The following ARSF variants were observed in gnomAD, a reference collection of about 807,000 sequenced individuals.
ARSF encodes arylsulfatase F.
A neutral mutation model predicts 35.4 loss-of-function variants in ARSF; 33 were observed. The observed-to-expected ratio is 0.93, with a 90% CI of 0.71 to 1.25. The LOEUF is 1.25. ARSF is among the 50% of genes most tolerant of loss of function. ARSF has a pLI of 0.00. For synonymous variants in ARSF, 222 were observed against 193.1 expected, an observed-to-expected ratio of 1.15 and a Z score of -1.24; for missense variants, 501 against 480.2, an observed-to-expected ratio of 1.04 and a Z score of -0.40.
chrX:3,080,286 C>T (rs375347147), intron 4 of ARSF, among the ~76,000 whole-genome samples: 868 of 24,129 alleles, frequency 0.036, 9 homozygotes, highest in African/African-American at 0.12. Flanking sequence ...CCATCCTGGC[C>T]AACATGATGA....
intron 1 of ARSF, among the ~76,000 whole-genome samples, chrX:3,049,772 TAAC>T (rs1327461757): frequency 8.9e-6 from 1 of 111,811 alleles, no homozygotes; most frequent in Non-Finnish European, 1.9e-5. Context: ...ATTAATAAAT[TAAC>T]AAACAAAAAC....
chrX:3,071,600 G>A (rs779373121), intron 2 of ARSF, among the ~76,000 whole-genome samples: 32 of 110,610 alleles, frequency 2.9e-4, no homozygotes, highest in African/African-American at 1.1e-3. Context: ...CACCACACCC[G>A]GCCGCAAGTG....
At position 3,059,566 on chromosome X, in the gene ARSF, C is replaced by T. The variant is rs141325930; in HGVS notation, c.-28-8507C>T. On this transcript the variant is annotated intron_variant, in intron 1 of 10. Transcript: ENST00000381127. ...GCTGTGACAGACTGTACCTGGAAAA[C>T]TGGGACACTCTCGCCCACATACTGC... 7.1e-3 allele frequency among the ~76,000 whole-genome samples: 799 copies of T among 112,188 alleles called. 10 individuals are homozygous for T. The highest frequency in any genetic ancestry group is 0.024 in the African/African-American group (754 of 30,942).
chrX:3,068,221 T>A lies in ARSF; in HGVS notation c.11+110T>A, dbSNP rs73439671. ...AGGCATTTAATATCATCTGCCTTTT[T>A]TTCTTTTTTCTTTTTCTTTTCTTGT... On this transcript the variant is annotated intron_variant, in intron 2 of 10. Coordinates refer to ENST00000381127, the MANE Select transcript of ARSF (RefSeq NM_001201539.2). The A allele has an allele frequency of 0.014, 9,825 of 690,048 alleles. 594 individuals carry two copies. The African/African-American group carries it at 0.18, about 13-fold the overall frequency. The allele number at this position is 690,048 out of a possible 1,213,427, so 56.9% of individuals were successfully genotyped here. A position where few individuals can be genotyped will look rare whatever the true frequency, so the allele number is the denominator to read the frequency against.
intron 3 of ARSF, among the ~76,000 whole-genome samples, chrX:3,073,798 T>C (rs2147498197): frequency 9.7e-6 from 1 of 103,468 alleles, no homozygotes; most frequent in East Asian, 2.9e-4. Context: ...TGTGAATATG[T>C]ATATTCAGCA....
chrX:3,094,991 T>G (rs1454500), intron 7 of ARSF, among the ~76,000 whole-genome samples: 15,755 of 107,733 alleles, frequency 0.15, 923 homozygotes, highest in Middle Eastern at 0.21. Flanking sequence ...TTATTTCAGT[T>G]GATGTTAGAA....
At chrX:3,054,482 G>A (rs1334704370) in intron 1 of ARSF, among the ~76,000 whole-genome samples, 2 of 109,677 alleles carry the variant, frequency 1.8e-5, no homozygotes, top group Non-Finnish European at 3.8e-5. Flanking sequence ...ATCATTACTT[G>A]AAACAGGGGG....
intron 7 of ARSF, among the ~76,000 whole-genome samples, 190 bp from the exon 8 acceptor site, chrX:3,100,893 CCTGA>C (rs891823379): frequency 6.3e-5 from 7 of 111,799 alleles, no homozygotes; most frequent in African/African-American, 1.3e-4. Context: ...CCGCGCCCGG[CCTGA>C]CTCTCAGTTT....
At chrX:3,093,059 G>C (rs920230143) in intron 7 of ARSF, among the ~76,000 whole-genome samples, 1 of 110,125 alleles carries the variant, frequency 9.1e-6, no homozygotes, top group South Asian at 3.9e-4. Flanking sequence ...CCAGCTACTC[G>C]GGAGGCTGAG....
At chrX:3,063,760 A>T (rs1389752062) in intron 1 of ARSF, among the ~76,000 whole-genome samples, 1 of 111,897 alleles carries the variant, frequency 8.9e-6, no homozygotes, top group Non-Finnish European at 1.9e-5. Flanking sequence ...GATGTGAAGG[A>T]CCTCTTCAAG....
At chrX:3,077,177 T>C (rs2090159096) in intron 4 of ARSF, among the ~76,000 whole-genome samples, 1 of 112,379 alleles carries the variant, frequency 8.9e-6, no homozygotes, top group South Asian at 3.7e-4. Context: ...TGTGCTTCAG[T>C]TGTCTTTTGA....
At chrX:3,090,776 CT>C (rs1421159359) in intron 7 of ARSF, among the ~76,000 whole-genome samples, 2 of 112,145 alleles carry the variant, frequency 1.8e-5, no homozygotes, top group Admixed American at 9.5e-5. Context: ...TGATCTTGTT[CT>C]TTTTTATGGC....
chrX:3,076,982 G>A (rs964549015), intron 4 of ARSF, among the ~76,000 whole-genome samples: 10 of 111,400 alleles, frequency 9.0e-5, no homozygotes, highest in Admixed American at 1.9e-4. Flanking sequence ...GGAGTTTGAG[G>A]CTGCAGTGAG....
intron 6 of ARSF, among the ~76,000 whole-genome samples, chrX:3,087,309 T>C (rs1203149559): frequency 8.9e-6 from 1 of 111,980 alleles, no homozygotes; most frequent in East Asian, 2.8e-4. Context: ...TTTTAAATAT[T>C]TAATGTTCAG....
At chrX:3,070,063 C>A (rs1335496720) in intron 2 of ARSF, among the ~76,000 whole-genome samples, 4 of 111,683 alleles carry the variant, frequency 3.6e-5, no homozygotes, top group African/African-American at 1.3e-4. Flanking sequence ...ACTGGCCCCC[C>A]AGCTCCCAGC....
At chrX:3,104,480 G>A (rs775474316) in intron 9 of ARSF, among the ~76,000 whole-genome samples, 25 of 112,233 alleles carry the variant, frequency 2.2e-4, no homozygotes, top group Admixed American at 7.6e-4. Context: ...CCGATAGGTG[G>A]TTAGGTTGAT....
chrX:3,072,823 T>C (rs1463143242), intron 3 of ARSF, among the ~76,000 whole-genome samples: 1 of 105,109 alleles, frequency 9.5e-6, no homozygotes, highest in Admixed American at 1.1e-4. Flanking sequence ...CTATAATATA[T>C]AAAGTATATA....
At position 3,104,733 on chromosome X, in the gene ARSF, G is replaced by C. The variant is rs150322543; in HGVS notation, c.1265+809G>C. On this transcript the variant is annotated intron_variant, in intron 9 of 10. Coordinates refer to ENST00000381127, the MANE Select transcript of ARSF (RefSeq NM_001201539.2). ...GGTCCTGAACAAGTATCAGAGACCA[G>C]TCTTAGATACTAATCTAATGCGGAC... Among the ~76,000 whole-genome samples the C allele has an allele frequency of 4.5e-3, 502 of 111,950 alleles. 4 individuals carry two copies. The highest frequency in any genetic ancestry group is 0.016 in the African/African-American group (480 of 30,873).
intron 2 of ARSF, 23 bp from the exon 3 acceptor site, chrX:3,072,003 T>C (rs2090107789): frequency 1.7e-6 from 2 of 1,208,468 alleles, no homozygotes; most frequent in African/African-American, 3.5e-5. Flanking sequence ...CTGATACCAA[T>C]AAAATCCCTG....
Sources: allele counts gnomAD v4.1 joint callset (sites outside exome capture counted in the v4.1 genomes callset), GRCh38; gene constraint gnomAD v4.1.1; transcripts MANE v1.5; gene names NCBI Gene and HGNC (gene_info 2026-07-23, HGNC 2026-07-21).